Variants in MBD3 observed in about 807,000 individuals in gnomAD.
The protein encoded by MBD3 is methyl-CpG-binding domain protein 3.
A neutral mutation model predicts 31.2 loss-of-function variants in MBD3; 13 were observed. That is an observed-to-expected ratio of 0.42 (90% CI 0.27 to 0.66). MBD3 has a LOEUF of 0.66. MBD3 is among the 30% of genes least tolerant of loss of function. The pLI is 0.26. For synonymous variants in MBD3, 223 were observed against 187.4 expected (o/e 1.19, Z -1.55); for missense variants, 440 against 426.5 (o/e 1.03, Z -0.28).
intron 1 of MBD3, 58 bp downstream of exon 1, chr19:1,592,464 C>T (rs2060709629): frequency 3.1e-6 from 3 of 956,110 alleles, no homozygotes; most frequent in Non-Finnish European, 4.3e-6. Context: ...CCGAGGCCGC[C>T]GCAGAGGCCG....
intron 3 of MBD3, 84 bp from the exon 4 acceptor site, chr19:1,582,796 C>T (rs2060659494): frequency 8.1e-7 from 1 of 1,239,646 alleles, no homozygotes; most frequent in South Asian, 1.3e-5. Context: ...GGGAGGCCCA[C>T]CTGGCCTCCT....
At chr19:1,579,539 T>C (rs1036698387) in intron 5 of MBD3, among the ~76,000 whole-genome samples, 2 of 152,094 alleles carry the variant, frequency 1.3e-5, no homozygotes, top group East Asian at 3.9e-4. Flanking sequence ...CAGGCAAAGC[T>C]GACTTTGTTT....
At chr19:1,586,794 G>A (rs1312640285) in intron 1 of MBD3, among the ~76,000 whole-genome samples, 1 of 151,454 alleles carries the variant, frequency 6.6e-6, no homozygotes, top group East Asian at 1.9e-4. Context: ...AGCCTCCTGA[G>A]TAGCTGGGAG....
At chr19:1,584,903 C>G in intron 2 of MBD3, 152 bp downstream of exon 2, 1 of 1,220,908 alleles carries the variant, frequency 8.2e-7, no homozygotes. Flanking sequence ...CGCTCTGCAC[C>G]CTGTGGCCTG....
rs2060712699 is a variant in MBD3, at chr19:1,592,772, C to T, written c.-141G>A. On this transcript the variant is annotated 5_prime_UTR_variant, in exon 1 of 7. Transcript: ENST00000434436. Reference sequence around the variant, plus strand: ...GTTCCGGCCCGCGGGCCCCCGCCCTCCGCCCCCAGCCGGGCGCGCGCCGGC... The same window carrying T: ...GTTCCGGCCCGCGGGCCCCCGCCCTTCGCCCCCAGCCGGGCGCGCGCCGGC... 1 of 159,654 alleles carries T rather than the reference C, an allele frequency of 6.3e-6. No individual in the cohort carries two copies. Among genetic ancestry groups the T allele is most frequent in the Non-Finnish European group, 1.3e-5 (1 of 77,566 alleles). The allele number at this position is 159,654 out of a possible 1,614,324, so 9.9% of individuals were successfully genotyped here. A position where few individuals can be genotyped will look rare whatever the true frequency, so the allele number is the denominator to read the frequency against.
rs1917212167 is a variant in MBD3 at position 1,577,031 on chromosome 19, T to A, written c.*1133A>T. 6.6e-6 allele frequency: 1 copy of A among 152,018 alleles called. No individual in the cohort carries two copies. The highest frequency in any genetic ancestry group is 1.5e-5 in the Non-Finnish European group (1 of 68,110). The allele number at this position is 152,018 out of a possible 1,614,324, so 9.4% of individuals were successfully genotyped here. A position where few individuals can be genotyped will look rare whatever the true frequency, so the allele number is the denominator to read the frequency against. On this transcript the variant is annotated 3_prime_UTR_variant, in exon 7 of 7. Coordinates refer to ENST00000434436, the MANE Select transcript of MBD3 (RefSeq NM_001281453.2). ...CCACAGGGGCGACTCTGCCCATCAGTCCCCCTGGGGCAGCGACCAGATCCT... is the reference window on the plus strand; with the variant it reads ...CCACAGGGGCGACTCTGCCCATCAGACCCCCTGGGGCAGCGACCAGATCCT...
At chr19:1,590,223 G>T (rs758107134) in intron 1 of MBD3, among the ~76,000 whole-genome samples, 4 of 152,160 alleles carry the variant, frequency 2.6e-5, no homozygotes, top group Non-Finnish European at 4.4e-5. Flanking sequence ...GCTTGAACCC[G>T]GGAGGTGGAG....
chr19:1,585,941 A>G lies in MBD3; in HGVS notation c.111-727T>C, dbSNP rs1202484763. ...CACGGGGCTCTGCTCTCAGCCTGCC[A>G]TGGACAAGCGCCGGCAACTCATCCT... On this transcript the variant is annotated intron_variant, in intron 1 of 6. Transcript: ENST00000434436. The surrounding 1 kb of genome is among the most constrained non-coding windows in gnomAD (Gnocchi z 4.1). 1 of 152,656 alleles carries G rather than the reference A, an allele frequency of 6.6e-6. No homozygotes were observed. Among genetic ancestry groups the G allele is most frequent in the African/African-American group, 2.4e-5 (1 of 41,444 alleles). The allele number at this position is 152,656 out of a possible 1,614,324, so 9.5% of individuals were successfully genotyped here. A position where few individuals can be genotyped will look rare whatever the true frequency, so the allele number is the denominator to read the frequency against.
At position 1,578,519 on chromosome 19, in the gene MBD3, G is replaced by T; in HGVS notation, c.697C>A (p.Gln233Lys). The T allele has an allele frequency of 6.2e-7, 1 of 1,612,394 alleles. No homozygotes were observed. Residue 233 changes from glutamine (Q) to lysine (K), a missense_variant, in exon 6 of 7, where the codon CAG becomes AAG. Around this residue, in one of 3 missense-constraint regions of MBD3, gnomAD observed 117 missense variants for 95.0 expected, o/e 1.23. Transcript: ENST00000434436. The surrounding 1 kb of genome is among the most constrained non-coding windows in gnomAD (Gnocchi z 6.1). ...TCCTCCAGCCGCTTCCGCACCTGCTGCACCAGCTCTTCCTGCTTCCTGGGG... is the reference window on the plus strand; with the variant it reads ...TCCTCCAGCCGCTTCCGCACCTGCTTCACCAGCTCTTCCTGCTTCCTGGGG... ...EDIRKQEELVQQVRKRLEEAL... is the reference protein window; with the variant it reads ...EDIRKQEELVKQVRKRLEEAL...
In MBD3 at chr19:1,578,313, AGCCCCCGTG is replaced by A; in HGVS notation, c.*5+13_*5+21del. 6.2e-7 allele frequency: 1 copy of A among 1,600,450 alleles called. No individual in the cohort carries two copies. The highest frequency in any genetic ancestry group is 8.5e-7 in the Non-Finnish European group (1 of 1,179,600). On this transcript the variant is annotated intron_variant, in intron 6 of 6. Coordinates refer to ENST00000434436, the MANE Select transcript of MBD3 (RefSeq NM_001281453.2). The surrounding 1 kb of genome is among the most constrained non-coding windows in gnomAD (Gnocchi z 6.1). ...CCACTGCCAGGACCCGACTCCAGGGAGCCCCCGTGGCCCCGCAGCACCTGCCCTAGACGT... is the reference window on the plus strand; with the variant it reads ...CCACTGCCAGGACCCGACTCCAGGGAGCCCCGCAGCACCTGCCCTAGACGT...
At chr19:1,579,576 C>T (rs1333943469) in intron 5 of MBD3, among the ~76,000 whole-genome samples, 3 of 152,044 alleles carry the variant, frequency 2.0e-5, no homozygotes, top group South Asian at 2.1e-4. Context: ...GAGGCTCAGC[C>T]GCCCCCTGCC....
At chr19:1,588,416 A>G (rs2060688801) in intron 1 of MBD3, among the ~76,000 whole-genome samples, 1 of 152,034 alleles carries the variant, frequency 6.6e-6, no homozygotes, top group Non-Finnish European at 1.5e-5. Flanking sequence ...GGAAGAAGAG[A>G]CCCCACAAAA....
In MBD3 at chr19:1,573,712, G is replaced by C. The variant is rs543833691; in HGVS notation, c.*4452C>G. 7.2e-4 allele frequency: 110 copies of C among 152,316 alleles called. 1 individual carries two copies. The highest frequency in any genetic ancestry group is 2.6e-3 in the African/African-American group (108 of 41,562). The allele number at this position is 152,316 out of a possible 1,614,324, so 9.4% of individuals were successfully genotyped here. A position where few individuals can be genotyped will look rare whatever the true frequency, so the allele number is the denominator to read the frequency against. On this transcript the variant is annotated 3_prime_UTR_variant, in exon 7 of 7. Transcript: ENST00000434436. ...GTGAGCGTGGTTATTTTGGTAACCAGAGAAGGCTAAAAATTAAAACTGTGA... is the reference window on the plus strand; with the variant it reads ...GTGAGCGTGGTTATTTTGGTAACCACAGAAGGCTAAAAATTAAAACTGTGA...
chr19:1,585,861 C>T lies in MBD3; in HGVS notation c.111-647G>A, dbSNP rs2060676857. The T allele has an allele frequency of 1.3e-5, 2 of 154,590 alleles. No homozygotes were observed. Among genetic ancestry groups the T allele is most frequent in the African/African-American group, 4.8e-5 (2 of 41,464 alleles). 9.6% of individuals were successfully genotyped at this position (154,590 alleles called of 1,614,324 possible). A position where few individuals can be genotyped will look rare whatever the true frequency, so the allele number is the denominator to read the frequency against. On this transcript the variant is annotated intron_variant, in intron 1 of 6. Coordinates refer to ENST00000434436, the MANE Select transcript of MBD3 (RefSeq NM_001281453.2). The surrounding 1 kb of genome is among the most constrained non-coding windows in gnomAD (Gnocchi z 4.1). ...GGCCCTAACAGCTGCTTGGGCATAACCCGACTGGAGAGCTCGCAACAAGGC... is the reference window on the plus strand; with the variant it reads ...GGCCCTAACAGCTGCTTGGGCATAATCCGACTGGAGAGCTCGCAACAAGGC...
At chr19:1,584,364 G>A (rs895837307) in intron 3 of MBD3, among the ~76,000 whole-genome samples, 176 bp downstream of exon 3, 10 of 152,110 alleles carry the variant, frequency 6.6e-5, no homozygotes, top group Admixed American at 6.5e-4. Flanking sequence ...CCACAGGCGG[G>A]CGCCACCACG....
chr19:1,584,795 C>T, intron 2 of MBD3, 118 bp from the exon 3 acceptor site: 1 of 1,129,652 alleles, frequency 8.9e-7, no homozygotes, highest in Non-Finnish European at 1.2e-6. Context: ...CCCCCGCGCC[C>T]GCCAGGACCC....
rs2060675580 is a variant in MBD3 at position 1,585,585 on chromosome 19, C to T, written c.111-371G>A. On this transcript the variant is annotated intron_variant, in intron 1 of 6. Transcript: ENST00000434436. The surrounding 1 kb of genome is among the most constrained non-coding windows in gnomAD (Gnocchi z 4.1). Reference sequence around the variant, plus strand: ...GAATCCTCCCCACCGTAGGCCCTGGCAGCGTCAGGCACAGCAGACGCTGAG... The same window carrying T: ...GAATCCTCCCCACCGTAGGCCCTGGTAGCGTCAGGCACAGCAGACGCTGAG... 6.6e-6 allele frequency: 2 copies of T among 302,024 alleles called. No individual in the cohort carries two copies. Among genetic ancestry groups the T allele is most frequent in the Admixed American group, 4.6e-5 (1 of 21,508 alleles). 18.7% of individuals were successfully genotyped at this position (302,024 alleles called of 1,614,324 possible). A position where few individuals can be genotyped will look rare whatever the true frequency, so the allele number is the denominator to read the frequency against.
Position 1,581,119 on chromosome 19 carries a change from G to A in MBD3, c.650C>T (p.Ala217Val). The change falls in exon 5 of 7, where the codon GCC (alanine) becomes GTC (valine). Residue 217 changes from alanine to valine, a missense_variant. Transcript: ENST00000434436. ...GATGTCCTCGTCGGTCACCATGAAG[G>A]CTTTGCACAGGGGCTGCGTGGTGTT... ...WLNTTQPLCK[A>V]FMVTDEDIRK... The A allele has an allele frequency of 1.9e-6, 3 of 1,614,174 alleles. No homozygotes were observed. Among genetic ancestry groups the A allele is most frequent in the Non-Finnish European group, 2.5e-6 (3 of 1,180,040 alleles).
rs2060675627 is a variant in MBD3, at chr19:1,585,599, G to A, written c.111-385C>T. 3.4e-6 allele frequency: 1 copy of A among 290,522 alleles called. No individual in the cohort carries two copies. Among genetic ancestry groups the A allele is most frequent in the South Asian group, 3.6e-5 (1 of 28,034 alleles). The allele number at this position is 290,522 out of a possible 1,614,324, so 18.0% of individuals were successfully genotyped here. ...GTAGGCCCTGGCAGCGTCAGGCACA[G>A]CAGACGCTGAGTTCGGGTACAAACG... On this transcript the variant is annotated intron_variant, in intron 1 of 6. Transcript: ENST00000434436. The surrounding 1 kb of genome is among the most constrained non-coding windows in gnomAD (Gnocchi z 4.1).
Sources: allele counts gnomAD v4.1 joint callset (sites outside exome capture counted in the v4.1 genomes callset), GRCh38; gene constraint gnomAD v4.1.1; regional missense constraint gnomAD v4.1.1; non-coding constraint Gnocchi (gnomAD v3.1); transcripts MANE v1.5; gene names NCBI Gene and HGNC (gene_info 2026-07-23, HGNC 2026-07-21).